Variants in SLC6A5 observed in about 807,000 individuals in gnomAD.
SLC6A5 encodes solute carrier family 6 member 5.
Under a neutral mutation model 90.5 loss-of-function variants are expected in SLC6A5, and 58 were observed. That is an observed-to-expected ratio of 0.64 (90% CI 0.52 to 0.80). The LOEUF (loss-of-function observed/expected upper bound fraction) is 0.80. Among genes scored for constraint, SLC6A5 ranks in the 30% least tolerant of loss-of-function variants. The probability of loss-of-function intolerance (pLI) is 0.00; values close to 1 mark genes in which losing one functional copy is unlikely to be tolerated. For synonymous variants in SLC6A5, 427 were observed against 401.4 expected, an observed-to-expected ratio of 1.06 and a Z score of -0.76; for missense variants, 1,015 against 1,017.6, an observed-to-expected ratio of 1.00 and a Z score of 0.03.
chr11:20,604,000 C>CTGTAT, intron 2 of SLC6A5, among the ~76,000 whole-genome samples: 1 of 151,994 alleles, frequency 6.6e-6, no homozygotes, highest in East Asian at 1.9e-4. Flanking sequence ...TGCGCCCTGA[C>CTGTAT]TGTATGATCT....
At chr11:20,636,506 G>A in intron 11 of SLC6A5, 87 bp downstream of exon 11, 1 of 839,474 alleles carries the variant, frequency 1.2e-6, no homozygotes, top group South Asian at 1.4e-5. Flanking sequence ...TTCAGGAGAG[G>A]GGTAGGCTTA....
At chr11:20,613,807 G>C (rs1041462400) in intron 5 of SLC6A5, among the ~76,000 whole-genome samples, 3 of 151,996 alleles carry the variant, frequency 2.0e-5, no homozygotes, top group African/African-American at 7.3e-5. Flanking sequence ...CTACAGGTGT[G>C]TGCCATCATG....
chr11:20,630,662 A>T, intron 9 of SLC6A5, 29 bp from the exon 10 acceptor site: 1 of 1,613,818 alleles, frequency 6.2e-7, no homozygotes, highest in Non-Finnish European at 8.5e-7. Context: ...AAGCACACCT[A>T]ATGGAAAACT....
rs1196716928 is a variant in SLC6A5, at chr11:20,658,299, A to G, written c.*3431A>G. 1 of 152,162 alleles carries G rather than the reference A, an allele frequency of 6.6e-6. No homozygotes were observed. The highest frequency in any genetic ancestry group is 1.5e-5 in the Non-Finnish European group (1 of 68,042). The allele number at this position is 152,162 out of a possible 1,614,324, so 9.4% of individuals were successfully genotyped here. On this transcript the variant is annotated 3_prime_UTR_variant, in exon 16 of 16. Coordinates refer to ENST00000525748, the MANE Select transcript of SLC6A5 (RefSeq NM_004211.5). ...CATTGTCCTCTTCCCAGAGGCTAGCACAATAACTGTTGCTCAATGTAAGAT... is the reference window on the plus strand; with the variant it reads ...CATTGTCCTCTTCCCAGAGGCTAGCGCAATAACTGTTGCTCAATGTAAGAT...
chr11:20,650,217 G>A (rs1300073414), intron 14 of SLC6A5, among the ~76,000 whole-genome samples: 6 of 152,202 alleles, frequency 3.9e-5, no homozygotes, highest in African/African-American at 1.4e-4. Context: ...TGTTGCTACA[G>A]GCAGGGTGAA....
At chr11:20,636,931 A>G (rs1190506075) in intron 11 of SLC6A5, among the ~76,000 whole-genome samples, 1 of 152,156 alleles carries the variant, frequency 6.6e-6, no homozygotes, top group Non-Finnish European at 1.5e-5. Flanking sequence ...ATGGGTGAAT[A>G]TGAATGCAAG....
At chr11:20,653,806 T>G (rs1853584642) in intron 15 of SLC6A5, among the ~76,000 whole-genome samples, 1 of 152,222 alleles carries the variant, frequency 6.6e-6, no homozygotes, top group South Asian at 2.1e-4. Context: ...TCTTTCCCTC[T>G]GAATAGAACC....
At chr11:20,631,826 T>C (rs1853114545) in intron 10 of SLC6A5, among the ~76,000 whole-genome samples, 1 of 152,144 alleles carries the variant, frequency 6.6e-6, no homozygotes, top group Admixed American at 6.5e-5. Context: ...ATGGCTCAGA[T>C]GTGGTGAGAG....
At chr11:20,637,769 A>G (rs1853237910) in intron 12 of SLC6A5, among the ~76,000 whole-genome samples, 1 of 152,178 alleles carries the variant, frequency 6.6e-6, no homozygotes, top group Admixed American at 6.5e-5. Flanking sequence ...AATACATAAA[A>G]ATCTTTATTT....
Position 20,601,486 on chromosome 11 carries a change from A to G in SLC6A5, c.361A>G (p.Lys121Glu), listed in dbSNP as rs1296678582. Residue 121 changes from lysine to glutamate, a missense_variant, in exon 2 of 16, where the codon AAG becomes GAG. By Grantham distance (56) the Lys-to-Glu change is moderately conservative (BLOSUM62 1). Around this residue, in one of 3 missense-constraint regions of SLC6A5, gnomAD observed 567 missense variants for 507.3 expected, o/e 1.12. Coordinates refer to ENST00000525748, the MANE Select transcript of SLC6A5 (RefSeq NM_004211.5). ...CGGGCCCGGCAACGCGCTGCACTGT[A>G]AGATCCCTTTTCTGCGAGGCCCGGA... ...SSGPGNALHC[K>E]IPFLRGPEGD... 3.1e-6 allele frequency: 5 copies of G among 1,613,494 alleles called. No homozygotes were observed. Among genetic ancestry groups the G allele is most frequent in the Non-Finnish European group, 4.2e-6 (5 of 1,179,782 alleles).
At chr11:20,625,423 G>A (rs948184884) in intron 7 of SLC6A5, among the ~76,000 whole-genome samples, 14 of 151,982 alleles carry the variant, frequency 9.2e-5, no homozygotes, top group Middle Eastern at 3.2e-3. Flanking sequence ...CACCACACCC[G>A]GCTAATTTTT....
At chr11:20,604,112 C>T (rs1440584026) in intron 2 of SLC6A5, among the ~76,000 whole-genome samples, 174 bp from the exon 3 acceptor site, 1 of 151,666 alleles carries the variant, frequency 6.6e-6, no homozygotes, top group Non-Finnish European at 1.5e-5. Context: ...GGTGAGGTCC[C>T]TGCTTGTAGA....
chr11:20,648,114 G>A (rs1172992626), intron 14 of SLC6A5, among the ~76,000 whole-genome samples: 1 of 151,640 alleles, frequency 6.6e-6, no homozygotes, highest in South Asian at 2.1e-4. Context: ...GGCTTGTACA[G>A]GTGTAATTTT....
intron 5 of SLC6A5, among the ~76,000 whole-genome samples, chr11:20,612,646 T>C (rs1852714850): frequency 6.6e-6 from 1 of 152,176 alleles, no homozygotes; most frequent in East Asian, 1.9e-4. Flanking sequence ...GCCTCCTGAG[T>C]AGTTAGGACT....
intron 8 of SLC6A5, 97 bp downstream of exon 8, chr11:20,626,939 G>C: frequency 3.1e-6 from 3 of 979,504 alleles, no homozygotes; most frequent in Non-Finnish European, 3.3e-6. Flanking sequence ...GGGAATCCCA[G>C]TGTGTGCTTT....
intron 9 of SLC6A5, among the ~76,000 whole-genome samples, chr11:20,629,832 C>A (rs567798963): frequency 8.6e-5 from 13 of 151,562 alleles, no homozygotes; most frequent in Admixed American, 2.6e-4. Context: ...CAGGTTCAAG[C>A]AATTCAAGTA....
intron 9 of SLC6A5, among the ~76,000 whole-genome samples, chr11:20,628,714 A>T (rs1853050461): frequency 6.6e-6 from 1 of 152,212 alleles, no homozygotes; most frequent in South Asian, 2.1e-4. Context: ...CTCATTAACC[A>T]TTGACCCAAA....
At chr11:20,652,179 T>C (rs928688835) in intron 14 of SLC6A5, 110 bp from the exon 15 acceptor site, 5 of 989,164 alleles carry the variant, frequency 5.1e-6, no homozygotes, top group African/African-American at 4.7e-5. Flanking sequence ...TTCGTGGGTA[T>C]AGAATAATAG....
intron 1 of SLC6A5, among the ~76,000 whole-genome samples, chr11:20,600,333 GAGGAA>G (rs1852435085): frequency 3.0e-5 from 3 of 100,290 alleles, no homozygotes; most frequent in Admixed American, 2.6e-4. Context: ...AAAAGAAGAA[GAGGAA>G]GAAGAAGAAG....
Sources: allele counts gnomAD v4.1 joint callset (sites outside exome capture counted in the v4.1 genomes callset), GRCh38; gene constraint gnomAD v4.1.1; regional missense constraint gnomAD v4.1.1; transcripts MANE v1.5; gene names NCBI Gene and HGNC (gene_info 2026-07-23, HGNC 2026-07-21).